CNTLN: variants seen among roughly 807,000 people sequenced by gnomAD.
The protein encoded by CNTLN is centlein.
CNTLN carries 212 observed loss-of-function variants against 180.0 expected under a neutral mutation model. The observed-to-expected ratio is 1.18, with a 90% CI of 1.05 to 1.32. The LOEUF is 1.32. CNTLN is among the 40% of genes most tolerant of loss of function. CNTLN has a pLI of 0.00. For missense variants in CNTLN, 2,095 were observed against 1,610.9 expected (o/e 1.30, Z -5.14); for synonymous variants, 722 against 563.1 (o/e 1.28, Z -3.99).
chr9:17,394,980 C>T lies in CNTLN; in HGVS notation c.2526C>T (p.His842=), dbSNP rs774820767. Residue 842 remains histidine (H), a synonymous_variant, in exon 15 of 26, where the codon CAC becomes CAT. Coordinates refer to ENST00000380647, the MANE Select transcript of CNTLN (RefSeq NM_017738.4). The part of the protein sequence containing the change: ...AAKKNCSVGR[H]HTVLNHSIKV... ...AGAAAAATTGCTCTGTGGGTCGTCACCACACTGTTCTCAATCATTCCATCA... is the reference window on the plus strand; with the variant it reads ...AGAAAAATTGCTCTGTGGGTCGTCATCACACTGTTCTCAATCATTCCATCA... 4 of 1,613,722 alleles carry T rather than the reference C, an allele frequency of 2.5e-6. No individual in the cohort carries two copies. In the Middle Eastern group the frequency reaches 5.0e-4, roughly 200 times the overall value.
chr9:17,407,581 C>G (rs1827492614), intron 15 of CNTLN, among the ~76,000 whole-genome samples: 1 of 152,132 alleles, frequency 6.6e-6, no homozygotes, highest in Non-Finnish European at 1.5e-5. Context: ...ACCAGTTGCA[C>G]TGTACAATGG....
intron 6 of CNTLN, among the ~76,000 whole-genome samples, chr9:17,291,598 G>T (rs558632748): frequency 6.6e-6 from 1 of 152,266 alleles, no homozygotes; most frequent in East Asian, 1.9e-4. Flanking sequence ...TTGGTTTAAA[G>T]TCTATTTTGT....
At position 17,358,155 on chromosome 9, in the gene CNTLN, G is replaced by T. The variant is rs146798737; in HGVS notation, c.1887-8462G>T. Among the ~76,000 whole-genome samples the T allele has an allele frequency of 2.9e-3, 448 of 152,108 alleles. 4 individuals are homozygous for T. The highest frequency in any genetic ancestry group is 0.01 in the African/African-American group (424 of 41,544). On this transcript the variant is annotated intron_variant, in intron 12 of 25. Coordinates refer to ENST00000380647, the MANE Select transcript of CNTLN (RefSeq NM_017738.4). ...GATGTTTTTAAAGGTAGTGAAACAG[G>T]ATGCATGAATAAGGGTGTTCGCTGC...
intron 25 of CNTLN, among the ~76,000 whole-genome samples, chr9:17,495,252 A>C (rs370232569): frequency 2.0e-5 from 3 of 152,158 alleles, no homozygotes; most frequent in East Asian, 3.9e-4. Context: ...CTTAACTGTA[A>C]AACAGCCTAA....
At chr9:17,388,404 G>C in intron 14 of CNTLN, 151 bp downstream of exon 14, 1 of 561,102 alleles carries the variant, frequency 1.8e-6, no homozygotes. Context: ...TGCCAAAATG[G>C]GGTAAAAAAA....
chr9:17,379,667 T>C (rs1275786605), intron 13 of CNTLN, among the ~76,000 whole-genome samples: 1 of 152,176 alleles, frequency 6.6e-6, no homozygotes, highest in Non-Finnish European at 1.5e-5. Context: ...GAAAATCTGC[T>C]CCCTCTAACT....
intron 2 of CNTLN, among the ~76,000 whole-genome samples, chr9:17,188,972 T>A (rs970145189): frequency 1.6e-5 from 2 of 124,338 alleles, no homozygotes; most frequent in African/African-American, 5.5e-5. Context: ...TTTATCTTAC[T>A]GATTGTTTGA....
At chr9:17,212,425 AG>A (rs1248904149) in intron 2 of CNTLN, among the ~76,000 whole-genome samples, 1 of 152,188 alleles carries the variant, frequency 6.6e-6, no homozygotes, top group Non-Finnish European at 1.5e-5. Context: ...ATGGTGGATA[AG>A]CTTTTTGATG....
At chr9:17,158,519 G>A (rs1819457254) in intron 2 of CNTLN, among the ~76,000 whole-genome samples, 1 of 151,928 alleles carries the variant, frequency 6.6e-6, no homozygotes, top group Admixed American at 6.6e-5. Context: ...GCTTTTCTTT[G>A]TGGGTAATTT....
At position 17,257,382 on chromosome 9, in the gene CNTLN, G is replaced by A. The variant is rs1233414104; in HGVS notation, c.850-16351G>A. Among the ~76,000 whole-genome samples the A allele has an allele frequency of 3.9e-5, 6 of 152,164 alleles. No individual in the cohort carries two copies. In the East Asian group the frequency reaches 1.2e-3, roughly 29 times the overall value. On this transcript the variant is annotated intron_variant, in intron 5 of 25. Transcript: ENST00000380647. ...TTCTTAATCCAGTCTATCATTGTTGGACATTTGGGTTGGTTCCAAGTCTTT... is the reference window on the plus strand; with the variant it reads ...TTCTTAATCCAGTCTATCATTGTTGAACATTTGGGTTGGTTCCAAGTCTTT...
chr9:17,429,285 C>T (rs1294883971), intron 18 of CNTLN, among the ~76,000 whole-genome samples: 3 of 151,970 alleles, frequency 2.0e-5, no homozygotes, highest in Non-Finnish European at 4.4e-5. Flanking sequence ...TTCCTGGAGA[C>T]TTCTTAGCTA....
At chr9:17,517,942 T>C in the CNTLN span, among the ~76,000 whole-genome samples, 84 of 151,816 alleles carry the variant, frequency 5.5e-4, no homozygotes, top group Middle Eastern at 3.4e-3. Flanking sequence ...CTTTATTTCC[T>C]TTAACCACCC....
chr9:17,506,495 C>T (rs780844501), downstream of CNTLN, among the ~76,000 whole-genome samples: 32 of 152,042 alleles, frequency 2.1e-4, no homozygotes, highest in Non-Finnish European at 3.8e-4. Context: ...TGAAAGTTGT[C>T]ATGTTTATGT....
At chr9:17,198,386 C>CTTTTTTTTTTTTTTTT (rs61209273) in intron 2 of CNTLN, among the ~76,000 whole-genome samples, 2 of 109,750 alleles carry the variant, frequency 1.8e-5, no homozygotes, top group African/African-American at 3.3e-5. Context: ...TCTTTTCTTT[C>CTTTTTTTTTTTTTTTT]TTTTTTTTTT....
intron 6 of CNTLN, among the ~76,000 whole-genome samples, chr9:17,288,358 C>T (rs1197054850): frequency 8.4e-6 from 1 of 118,986 alleles, no homozygotes; most frequent in Non-Finnish European, 1.7e-5. Context: ...TTTGATTGCA[C>T]TGCGGTCTGA....
chr9:17,467,100 A>G (rs1831797530), intron 23 of CNTLN, among the ~76,000 whole-genome samples: 1 of 151,476 alleles, frequency 6.6e-6, no homozygotes, highest in South Asian at 2.1e-4. Flanking sequence ...CATCTTATTA[A>G]TATTTCTTTC....
chr9:17,312,366 A>ATATATATATAT (rs1563984897), intron 8 of CNTLN, among the ~76,000 whole-genome samples: 2 of 9,322 alleles, frequency 2.1e-4, no homozygotes, highest in African/African-American at 4.3e-4. Flanking sequence ...TATATATATT[A>ATATATATATAT]TATATATATA....
chr9:17,365,536 A>G (rs949094244), intron 12 of CNTLN, among the ~76,000 whole-genome samples: 2 of 152,234 alleles, frequency 1.3e-5, no homozygotes, highest in African/African-American at 4.8e-5. Context: ...TCACAATGGT[A>G]GCTCAATTCT....
At chr9:17,465,004 A>G (rs539289197) in intron 21 of CNTLN, among the ~76,000 whole-genome samples, 1 of 151,348 alleles carries the variant, frequency 6.6e-6, no homozygotes, top group African/African-American at 2.4e-5. Flanking sequence ...TTCTTTAAAA[A>G]TGTACTTTCT....
Sources: allele counts gnomAD v4.1 joint callset (sites outside exome capture counted in the v4.1 genomes callset), GRCh38; gene constraint gnomAD v4.1.1; transcripts MANE v1.5; gene names NCBI Gene and HGNC (gene_info 2026-07-23, HGNC 2026-07-21).